CTNNA3: variants seen among roughly 807,000 people sequenced by gnomAD.
CTNNA3 encodes the protein catenin alpha 3, also known as catenin alpha-3.
A neutral mutation model predicts 95.7 loss-of-function variants in CTNNA3; 76 were observed. That is an observed-to-expected ratio of 0.79 (90% CI 0.66 to 0.96). The LOEUF is 0.96. Among genes scored for constraint, CTNNA3 ranks in the 40% least tolerant of loss-of-function variants. The pLI, the probability that CTNNA3 is intolerant of heterozygous loss-of-function variation, is 0.00. For synonymous variants in CTNNA3, 431 were observed against 374.4 expected (o/e 1.15, Z -1.74); for missense variants, 1,191 against 1,089.8 (o/e 1.09, Z -1.31).
rs1251742897 is a variant in CTNNA3 at position 65,917,710 on chromosome 10, AG to A, written c.*2619del. 6.6e-6 allele frequency: 1 copy of A among 152,230 alleles called. No individual in the cohort carries two copies. Among genetic ancestry groups the A allele is most frequent in the African/African-American group, 2.4e-5 (1 of 41,466 alleles). The allele number at this position is 152,230 out of a possible 1,614,324, so 9.4% of individuals were successfully genotyped here. On this transcript the variant is annotated 3_prime_UTR_variant, in exon 18 of 18. Transcript: ENST00000433211. ...TGTGATGAGACATCAAAAGGTACAT[AG>A]GTGGATCACCAAATTATCACTCTCA...
At chr10:66,416,450 C>T (rs187318228) in intron 11 of CTNNA3, among the ~76,000 whole-genome samples, 111 of 151,968 alleles carry the variant, frequency 7.3e-4, no homozygotes, top group African/African-American at 2.6e-3. Flanking sequence ...GATACAGAGT[C>T]CCAGCAGTCA....
In CTNNA3 at chr10:66,842,114, C is replaced by CT. The variant is rs796216792; in HGVS notation, c.1048-66591dup. ...TGGCTAAATTCGTTTTTCTTTTTTT[C>CT]TTTTTTTTTGGAGAGATGCAGTCTC... On this transcript the variant is annotated intron_variant, in intron 7 of 17. Coordinates refer to ENST00000433211, the MANE Select transcript of CTNNA3 (RefSeq NM_013266.4). 7.7e-4 allele frequency among the ~76,000 whole-genome samples: 116 copies of CT among 150,338 alleles called. 1 individual carries two copies. Among genetic ancestry groups the CT allele is most frequent in the African/African-American group, 4.1e-4 (17 of 40,980 alleles).
chr10:67,533,267 T>C (rs1840389493), intron 4 of CTNNA3, among the ~76,000 whole-genome samples: 1 of 150,972 alleles, frequency 6.6e-6, no homozygotes, highest in African/African-American at 2.4e-5. Context: ...AAGGTTGCAG[T>C]GAGCCAAGAC....
At chr10:67,475,443 A>G (rs1847975170) in intron 5 of CTNNA3, among the ~76,000 whole-genome samples, 1 of 152,222 alleles carries the variant, frequency 6.6e-6, no homozygotes, top group Non-Finnish European at 1.5e-5. Flanking sequence ...TGTCATAAAA[A>G]AATTCCTACC....
intron 7 of CTNNA3, among the ~76,000 whole-genome samples, chr10:66,834,522 C>T (rs1842827278): frequency 6.6e-6 from 1 of 152,194 alleles, no homozygotes; most frequent in Non-Finnish European, 1.5e-5. Flanking sequence ...ATTCAGTGAC[C>T]TACCCAAGGT....
intron 2 of CTNNA3, among the ~76,000 whole-genome samples, chr10:67,626,391 A>G (rs1472166065): frequency 6.6e-6 from 1 of 151,922 alleles, no homozygotes; most frequent in African/African-American, 2.4e-5. Context: ...CTCTTTGGAG[A>G]TGTCTTGTGC....
intron 7 of CTNNA3, among the ~76,000 whole-genome samples, chr10:67,115,291 C>T (rs984010417): frequency 6.7e-6 from 1 of 149,060 alleles, no homozygotes; most frequent in Non-Finnish European, 1.5e-5. Context: ...ATTCTGGAAG[C>T]ATGCTGTAGA....
chr10:66,831,107 C>G (rs1405861420), intron 7 of CTNNA3, among the ~76,000 whole-genome samples: 3 of 152,194 alleles, frequency 2.0e-5, no homozygotes, highest in Non-Finnish European at 4.4e-5. Flanking sequence ...TCACCATCAT[C>G]CTCTTTCACC....
intron 7 of CTNNA3, among the ~76,000 whole-genome samples, chr10:67,073,710 C>A (rs1253041907): frequency 2.7e-5 from 4 of 150,066 alleles, no homozygotes; most frequent in Admixed American, 6.6e-5. Flanking sequence ...AACAAAAGAT[C>A]AAAAAAAATC....
chr10:67,162,409 TA>T (rs35846803), intron 7 of CTNNA3, among the ~76,000 whole-genome samples: 58,384 of 151,198 alleles, frequency 0.39, 15,928 homozygotes, highest in African/African-American at 0.78. Context: ...TCAATATATG[TA>T]AAAAAAAATT....
intron 13 of CTNNA3, among the ~76,000 whole-genome samples, chr10:66,169,052 C>T (rs555822862): frequency 1.3e-5 from 2 of 152,222 alleles, no homozygotes; most frequent in Non-Finnish European, 1.5e-5. Flanking sequence ...AATTAATTGT[C>T]TATTTTTGTT....
intron 1 of CTNNA3, among the ~76,000 whole-genome samples, chr10:67,723,539 C>A (rs1404580344): frequency 6.6e-6 from 1 of 152,182 alleles, no homozygotes; most frequent in Non-Finnish European, 1.5e-5. Flanking sequence ...AGCAATCTGC[C>A]TGCCTCAGCC....
chr10:66,309,133 A>T (rs570528762), intron 12 of CTNNA3, among the ~76,000 whole-genome samples: 4 of 152,206 alleles, frequency 2.6e-5, no homozygotes, highest in Non-Finnish European at 5.9e-5. Flanking sequence ...TATTTTGTAC[A>T]AATGTGTTTA....
chr10:66,787,038 C>A (rs1167166980), intron 7 of CTNNA3, among the ~76,000 whole-genome samples: 2 of 152,124 alleles, frequency 1.3e-5, no homozygotes, highest in Non-Finnish European at 1.5e-5. Flanking sequence ...AAGACTAATT[C>A]CAAGTACATC....
chr10:66,781,928 T>G, intron 7 of CTNNA3, among the ~76,000 whole-genome samples: 1 of 152,184 alleles, frequency 6.6e-6, no homozygotes, highest in East Asian at 1.9e-4. Flanking sequence ...GTAAATTGTG[T>G]GTCAGGTAGA....
intron 15 of CTNNA3, among the ~76,000 whole-genome samples, chr10:66,062,871 A>T (rs1241589339): frequency 2.0e-5 from 3 of 152,104 alleles, no homozygotes; most frequent in Non-Finnish European, 2.9e-5. Context: ...CTATGGAGTT[A>T]TGAATCCCCT....
chr10:66,615,867 A>C (rs1844492844), intron 10 of CTNNA3, among the ~76,000 whole-genome samples: 2 of 152,164 alleles, frequency 1.3e-5, no homozygotes, highest in South Asian at 4.1e-4. Context: ...GGTTGTATTT[A>C]AGCTAAGGCC....
At chr10:66,769,583 T>C (rs888202025) in intron 8 of CTNNA3, among the ~76,000 whole-genome samples, 2 of 152,222 alleles carry the variant, frequency 1.3e-5, no homozygotes, top group African/African-American at 4.8e-5. Flanking sequence ...CCATGCTTCT[T>C]GTGTGCCTTC....
At chr10:67,567,956 G>A (rs1413347621) in intron 3 of CTNNA3, among the ~76,000 whole-genome samples, 1 of 152,030 alleles carries the variant, frequency 6.6e-6, no homozygotes, top group African/African-American at 2.4e-5. Context: ...ATTAATGCAG[G>A]AGCCTCCCAG....
Sources: allele counts gnomAD v4.1 joint callset (sites outside exome capture counted in the v4.1 genomes callset), GRCh38; gene constraint gnomAD v4.1.1; transcripts MANE v1.5; gene names NCBI Gene and HGNC (gene_info 2026-07-23, HGNC 2026-07-21).